Variants in IQUB observed in about 807,000 individuals in gnomAD.
The protein encoded by IQUB is IQ motif and ubiquitin-like domain-containing protein.
In IQUB, 86 loss-of-function variants were observed where a neutral mutation model predicts 86.4. That is an observed-to-expected ratio of 1.00 (90% CI 0.84 to 1.19). The LOEUF (loss-of-function observed/expected upper bound fraction) is 1.19, where lower values mean the gene tolerates loss of function less well. IQUB is among the 50% of genes most tolerant of loss of function. The pLI is 0.00. For synonymous variants in IQUB, 289 were observed against 304.5 expected (o/e 0.95, Z 0.53); for missense variants, 946 against 916.9 (o/e 1.03, Z -0.41).
intron 9 of IQUB, among the ~76,000 whole-genome samples, chr7:123,466,301 C>T (rs1323180288): frequency 6.6e-6 from 1 of 152,044 alleles, no homozygotes; most frequent in Non-Finnish European, 1.5e-5. Flanking sequence ...TTAAGATATG[C>T]ATAATTTGCC....
intron 2 of IQUB, 77 bp downstream of exon 2, chr7:123,511,867 C>A (rs1280807804): frequency 7.7e-6 from 9 of 1,165,934 alleles, no homozygotes; most frequent in Non-Finnish European, 1.1e-5. Context: ...AATCTTTAAG[C>A]AAAAATAAGC....
At chr7:123,502,884 T>A in intron 5 of IQUB, 60 bp downstream of exon 5, 2 of 1,450,552 alleles carry the variant, frequency 1.4e-6, no homozygotes, top group Non-Finnish European at 1.9e-6. Context: ...GAGAGAGTCA[T>A]ACAGTACAAT....
chr7:123,496,266 G>A (rs1584605868), intron 7 of IQUB, among the ~76,000 whole-genome samples: 1 of 152,072 alleles, frequency 6.6e-6, no homozygotes, highest in East Asian at 1.9e-4. Context: ...TATTAATAAG[G>A]GGGAATTTTA....
chr7:123,492,565 A>G (rs967867185), intron 7 of IQUB, among the ~76,000 whole-genome samples: 2 of 152,226 alleles, frequency 1.3e-5, no homozygotes, highest in Non-Finnish European at 2.9e-5. Context: ...GACACTGTTA[A>G]GAGAATGAAA....
intron 1 of IQUB, among the ~76,000 whole-genome samples, chr7:123,525,034 T>C (rs1797124857): frequency 6.6e-6 from 1 of 152,230 alleles, no homozygotes. Flanking sequence ...ACCAGGCTTG[T>C]ATCCCAGGGA....
At chr7:123,461,720 A>T in intron 10 of IQUB, 115 bp from the exon 11 acceptor site, 1 of 934,104 alleles carries the variant, frequency 1.1e-6, no homozygotes, top group Non-Finnish European at 1.5e-6. Flanking sequence ...ATGAGATTTA[A>T]AAAAAAAAGT....
At chr7:123,492,141 C>G (rs1437377683) in intron 7 of IQUB, among the ~76,000 whole-genome samples, 1 of 152,138 alleles carries the variant, frequency 6.6e-6, no homozygotes, top group African/African-American at 2.4e-5. Context: ...TCTGCTGGTG[C>G]CCTTGGAGTT....
intron 1 of IQUB, among the ~76,000 whole-genome samples, chr7:123,526,491 G>A (rs1340021285): frequency 1.3e-5 from 2 of 152,050 alleles, no homozygotes; most frequent in African/African-American, 2.4e-5. Flanking sequence ...TTGGTTTAAG[G>A]TCTGTTTTAT....
chr7:123,533,833 ATTTT>A (rs368028480), intron 1 of IQUB, among the ~76,000 whole-genome samples: 1 of 152,110 alleles, frequency 6.6e-6, no homozygotes, highest in Non-Finnish European at 1.5e-5. Context: ...TATTCGAACT[ATTTT>A]TTTATGTATT....
intron 8 of IQUB, among the ~76,000 whole-genome samples, 179 bp from the exon 9 acceptor site, chr7:123,469,563 AAAAC>A (rs1223619195): frequency 3.9e-5 from 6 of 152,174 alleles, no homozygotes; most frequent in African/African-American, 7.2e-5. Flanking sequence ...ATTTTAGAAA[AAAAC>A]AAATAAGAAT....
chr7:123,473,216 G>A (rs1794609265), intron 8 of IQUB, among the ~76,000 whole-genome samples: 1 of 152,290 alleles, frequency 6.6e-6, no homozygotes, highest in Middle Eastern at 3.4e-3. Flanking sequence ...CAGGGGTTTT[G>A]CTCAGCCATA....
chr7:123,485,586 T>A (rs577924070), intron 7 of IQUB, among the ~76,000 whole-genome samples: 1 of 152,300 alleles, frequency 6.6e-6, no homozygotes, highest in African/African-American at 2.4e-5. Flanking sequence ...ACAGACCACC[T>A]GATTTCCAGG....
chr7:123,475,918 T>C (rs1794728643), intron 8 of IQUB, among the ~76,000 whole-genome samples: 1 of 152,238 alleles, frequency 6.6e-6, no homozygotes, highest in Non-Finnish European at 1.5e-5. Context: ...ATGAATATTA[T>C]AGCTTTCCTA....
intron 7 of IQUB, among the ~76,000 whole-genome samples, chr7:123,489,438 A>G (rs1386920295): frequency 1.3e-5 from 2 of 152,150 alleles, no homozygotes; most frequent in Non-Finnish European, 2.9e-5. Flanking sequence ...AAGATACTAC[A>G]TGAGTAAAAA....
At chr7:123,458,991 T>C (rs1793850657) in intron 11 of IQUB, among the ~76,000 whole-genome samples, 1 of 152,004 alleles carries the variant, frequency 6.6e-6, no homozygotes, top group Non-Finnish European at 1.5e-5. Context: ...GTCCACAAGA[T>C]TTACTATTTA....
At chr7:123,510,227 A>C (rs1796359012) in intron 2 of IQUB, among the ~76,000 whole-genome samples, 192 bp from the exon 3 acceptor site, 1 of 152,134 alleles carries the variant, frequency 6.6e-6, no homozygotes, top group African/African-American at 2.4e-5. Flanking sequence ...GAAGTAGCCA[A>C]TATTTAGTTG....
chr7:123,459,565 T>C (rs1793889373), intron 11 of IQUB: 1 of 152,026 alleles, frequency 6.6e-6, no homozygotes, highest in African/African-American at 2.4e-5. Flanking sequence ...AACTGGGCCA[T>C]CAGCTGTTTA....
intron 8 of IQUB, among the ~76,000 whole-genome samples, chr7:123,471,014 T>C (rs1322588893): frequency 6.6e-6 from 1 of 152,132 alleles, no homozygotes; most frequent in African/African-American, 2.4e-5. Context: ...ATTCTCAAAG[T>C]AATGGCATCA....
At chr7:123,526,883 G>T (rs536650188) in intron 1 of IQUB, among the ~76,000 whole-genome samples, 3 of 151,790 alleles carry the variant, frequency 2.0e-5, no homozygotes, top group Non-Finnish European at 4.4e-5. Context: ...GCTCTTTTAG[G>T]GCAGGCCTGG....
Sources: allele counts gnomAD v4.1 joint callset (sites outside exome capture counted in the v4.1 genomes callset), GRCh38; gene constraint gnomAD v4.1.1; transcripts MANE v1.5; gene names NCBI Gene and HGNC (gene_info 2026-07-23, HGNC 2026-07-21).